The following RAC1 variants were observed in gnomAD, a reference collection of about 807,000 sequenced individuals.
RAC1 encodes Rac family small GTPase 1, also known as ras-related C3 botulinum toxin substrate 1.
In RAC1, 2 loss-of-function variants were observed where a neutral mutation model predicts 25.2. The observed-to-expected ratio is 0.08, with a 90% CI of 0.03 to 0.25. RAC1 has a LOEUF of 0.25. Ranked by LOEUF, RAC1 falls within the 10% of genes least tolerant of loss-of-function variation. The probability of loss-of-function intolerance (pLI) is 1.00; values close to 1 mark genes in which losing one functional copy is unlikely to be tolerated. For missense variants in RAC1, 50 were observed against 235.7 expected (o/e 0.21, Z 5.16); for synonymous variants, 88 against 94.0 (o/e 0.94, Z 0.37).
In RAC1 at chr7:6,383,240, A is replaced by G. The variant is rs114120223; in HGVS notation, c.36-3972A>G. Among the ~76,000 whole-genome samples the G allele has an allele frequency of 8.9e-3, 1,351 of 152,356 alleles. 23 individuals are homozygous for G. Among genetic ancestry groups the G allele is most frequent in the African/African-American group, 0.031 (1,296 of 41,592 alleles). On this transcript the variant is annotated intron_variant, in intron 1 of 5. Transcript: ENST00000348035. ...AGGGAAAGGCCATGGAAAGGCTGTCACATTGCCCAGTGCAGATGTTGACTT... is the reference window on the plus strand; with the variant it reads ...AGGGAAAGGCCATGGAAAGGCTGTCGCATTGCCCAGTGCAGATGTTGACTT...
intron 3 of RAC1, among the ~76,000 whole-genome samples, chr7:6,392,987 G>T (rs1431871676): frequency 1.3e-5 from 2 of 152,220 alleles, no homozygotes; most frequent in African/African-American, 4.8e-5. Context: ...GTTCCTCAGT[G>T]TGCGGGTGGG....
chr7:6,379,277 T>C (rs1229328259), intron 1 of RAC1, among the ~76,000 whole-genome samples: 1 of 149,052 alleles, frequency 6.7e-6, no homozygotes, highest in African/African-American at 2.5e-5. Flanking sequence ...AATTTTTTTT[T>C]TTTTTTTTTT....
chr7:6,378,441 G>C (rs1469678964), intron 1 of RAC1, among the ~76,000 whole-genome samples: 1 of 152,038 alleles, frequency 6.6e-6, no homozygotes, highest in Non-Finnish European at 1.5e-5. Flanking sequence ...AGCTACTCAG[G>C]ATGCTGAGGC....
chr7:6,379,215 C>T (rs913880755), intron 1 of RAC1, among the ~76,000 whole-genome samples: 4 of 150,802 alleles, frequency 2.7e-5, no homozygotes, highest in African/African-American at 7.3e-5. Context: ...GATTCTCCTG[C>T]GTCAGCCTCC....
At chr7:6,401,329 C>G (rs1783394562) in intron 4 of RAC1, among the ~76,000 whole-genome samples, 1 of 152,134 alleles carries the variant, frequency 6.6e-6, no homozygotes, top group Non-Finnish European at 1.5e-5. Context: ...ATGAGGCACT[C>G]AGAATTGGTC....
chr7:6,398,420 C>A (rs1171674016), intron 3 of RAC1, among the ~76,000 whole-genome samples: 1 of 152,184 alleles, frequency 6.6e-6, no homozygotes, highest in Non-Finnish European at 1.5e-5. Context: ...TTGTTGCCCC[C>A]CCTCAGGATC....
intron 2 of RAC1, among the ~76,000 whole-genome samples, chr7:6,388,339 T>C (rs1583263302): frequency 7.0e-6 from 1 of 143,572 alleles, no homozygotes; most frequent in Non-Finnish European, 1.5e-5. Flanking sequence ...TTGTTGTTGT[T>C]GTTTTCCTTT....
In RAC1 at chr7:6,390,096, C is replaced by CTTTT. The variant is rs34547258; in HGVS notation, c.108-1810_108-1807dup. ...CCTCCCTTGCTCCCTCCCTCCCTCC[C>CTTTT]TTTTTTTTTTTTTTTTTTTTTGAGA... On this transcript the variant is annotated intron_variant, in intron 2 of 5. Transcript: ENST00000348035. 9.2e-3 allele frequency among the ~76,000 whole-genome samples: 688 copies of CTTTT among 74,902 alleles called. 31 individuals carry two copies. The highest frequency in any genetic ancestry group is 0.026 in the African/African-American group (414 of 15,854). 49.1% of individuals were successfully genotyped at this position (74,902 alleles called of 152,430 possible).
rs1457486431 is a variant in RAC1 at position 6,403,797 on chromosome 7, T to C, written c.*1351T>C. On this transcript the variant is annotated 3_prime_UTR_variant, in exon 6 of 6. Transcript: ENST00000348035. ...TAAACTGTGCTAGTGCTGACGATGT[T>C]CTGTACAACTTAACTCACTGGCGAG... 4.6e-6 allele frequency: 1 copy of C among 215,186 alleles called. No individual in the cohort carries two copies. Among genetic ancestry groups the C allele is most frequent in the Non-Finnish European group, 9.4e-6 (1 of 106,524 alleles). 13.3% of individuals were successfully genotyped at this position (215,186 alleles called of 1,614,324 possible).
At position 6,402,884 on chromosome 7, in the gene RAC1, A is replaced by G. The variant is rs899167662; in HGVS notation, c.*438A>G. Reference sequence around the variant, plus strand: ...AGGAGGTGCAGACACTTGCTCTCCTATGTAGTTCTCAGATGCGTAAAGCAG... The same window carrying G: ...AGGAGGTGCAGACACTTGCTCTCCTGTGTAGTTCTCAGATGCGTAAAGCAG... On this transcript the variant is annotated 3_prime_UTR_variant, in exon 6 of 6. Coordinates refer to ENST00000348035, the MANE Select transcript of RAC1 (RefSeq NM_006908.5). 10 of 196,030 alleles carry G rather than the reference A, an allele frequency of 5.1e-5. No individual in the cohort carries two copies. Among genetic ancestry groups the G allele is most frequent in the Middle Eastern group, 1.7e-3 (1 of 572 alleles). The allele number at this position is 196,030 out of a possible 1,614,324, so 12.1% of individuals were successfully genotyped here.
chr7:6,382,001 T>G (rs1305081013), intron 1 of RAC1, among the ~76,000 whole-genome samples: 1 of 152,068 alleles, frequency 6.6e-6, no homozygotes, highest in East Asian at 1.9e-4. Context: ...ATACTTTTTT[T>G]TGTTTTTTGA....
chr7:6,383,462 A>G (rs1782830248), intron 1 of RAC1, among the ~76,000 whole-genome samples: 1 of 152,220 alleles, frequency 6.6e-6, no homozygotes. Flanking sequence ...TAATAATCAT[A>G]TTCTTATAAG....
intron 1 of RAC1, among the ~76,000 whole-genome samples, chr7:6,382,721 A>G (rs888822654): frequency 2.0e-5 from 3 of 152,160 alleles, no homozygotes; most frequent in African/African-American, 7.2e-5. Context: ...CAACAAAAAA[A>G]AATTAGCTGG....
At chr7:6,399,043 A>C (rs1472925164) in intron 3 of RAC1, among the ~76,000 whole-genome samples, 1 of 152,140 alleles carries the variant, frequency 6.6e-6, no homozygotes, top group Non-Finnish European at 1.5e-5. Flanking sequence ...GCCGAGCCGG[A>C]GCAGGACTAA....
chr7:6,396,094 C>T (rs1367584730), intron 3 of RAC1, among the ~76,000 whole-genome samples: 2 of 152,092 alleles, frequency 1.3e-5, no homozygotes, highest in Admixed American at 1.3e-4. Flanking sequence ...GTAACAGGCA[C>T]GCGGGAGTCT....
intron 3 of RAC1, among the ~76,000 whole-genome samples, chr7:6,393,454 G>C (rs1353813716): frequency 6.6e-6 from 1 of 152,144 alleles, no homozygotes; most frequent in South Asian, 2.1e-4. Flanking sequence ...AGGGGGTACC[G>C]GGCAGGGTGA....
intron 2 of RAC1, among the ~76,000 whole-genome samples, chr7:6,387,569 C>G (rs957877753): frequency 6.6e-6 from 1 of 151,760 alleles, no homozygotes; most frequent in African/African-American, 2.4e-5. Flanking sequence ...ACTAAAAATA[C>G]AAAAAATTAG....
At position 6,379,232 on chromosome 7, in the gene RAC1, G is replaced by A. The variant is rs532409497; in HGVS notation, c.35+4462G>A. Among the ~76,000 whole-genome samples, 8 of 150,542 alleles carry A rather than the reference G, an allele frequency of 5.3e-5. 1 individual carries two copies. In the South Asian group the frequency reaches 1.7e-3, roughly 32 times the overall value. ...TTCTCCTGCGTCAGCCTCCCAAGTA[G>A]CTGGAACTACACGTGCCTGCTACCA... On this transcript the variant is annotated intron_variant, in intron 1 of 5. Transcript: ENST00000348035.
At chr7:6,392,320 A>G (rs1198183910) in intron 3 of RAC1, among the ~76,000 whole-genome samples, 1 of 152,144 alleles carries the variant, frequency 6.6e-6, no homozygotes, top group Non-Finnish European at 1.5e-5. Context: ...TGTTTTTGCA[A>G]ACCAGTTTTT....
Sources: allele counts gnomAD v4.1 joint callset (sites outside exome capture counted in the v4.1 genomes callset), GRCh38; gene constraint gnomAD v4.1.1; transcripts MANE v1.5; gene names NCBI Gene and HGNC (gene_info 2026-07-23, HGNC 2026-07-21).